The following SHTN1 variants were observed in gnomAD, a reference collection of about 807,000 sequenced individuals.
SHTN1 encodes shootin-1.
SHTN1 carries 42 observed loss-of-function variants against 83.1 expected under a neutral mutation model. That is an observed-to-expected ratio of 0.51 (90% CI 0.39 to 0.65). SHTN1 has a LOEUF of 0.65. Among genes scored for constraint, SHTN1 ranks in the 30% least tolerant of loss-of-function variants. The pLI is 0.00. For synonymous variants in SHTN1, 224 were observed against 247.7 expected (o/e 0.90, Z 0.90); for missense variants, 622 against 737.8 (o/e 0.84, Z 1.82).
chr10:116,934,099 C>T (rs1398373503), intron 9 of SHTN1, among the ~76,000 whole-genome samples: 3 of 152,176 alleles, frequency 2.0e-5, no homozygotes, highest in East Asian at 1.9e-4. Context: ...AAAATTTTCT[C>T]CCATTCTGTA....
intron 2 of SHTN1, among the ~76,000 whole-genome samples, chr10:116,977,865 G>A (rs937479257): frequency 6.6e-6 from 1 of 151,954 alleles, no homozygotes; most frequent in African/African-American, 2.4e-5. Context: ...TTGTAAAGAT[G>A]GGGGTCTTAC....
intron 11 of SHTN1, among the ~76,000 whole-genome samples, chr10:116,925,946 A>G (rs980225641): frequency 2.6e-5 from 4 of 152,104 alleles, no homozygotes; most frequent in African/African-American, 9.7e-5. Context: ...TTCAAAATCC[A>G]CTCAAACTCA....
intron 1 of SHTN1, among the ~76,000 whole-genome samples, chr10:116,987,898 C>A (rs1284364820): frequency 6.7e-6 from 1 of 148,954 alleles, no homozygotes; most frequent in Admixed American, 6.8e-5. Context: ...CTGGTAACAG[C>A]GAGACTCCGT....
chr10:116,992,964 CT>C (rs988256299), intron 1 of SHTN1, among the ~76,000 whole-genome samples: 21 of 148,554 alleles, frequency 1.4e-4, no homozygotes, highest in African/African-American at 4.9e-4. Context: ...GCTGTACTAT[CT>C]TTTTTGTCTG....
intron 8 of SHTN1, among the ~76,000 whole-genome samples, chr10:116,940,990 C>T (rs942526538): frequency 2.0e-5 from 3 of 152,170 alleles, no homozygotes; most frequent in African/African-American, 7.2e-5. Context: ...TAAAGTGCTT[C>T]TACTATGAAT....
chr10:117,090,817 G>C, intron 1 of SHTN1, among the ~76,000 whole-genome samples: 1 of 130,524 alleles, frequency 7.7e-6, no homozygotes, highest in Non-Finnish European at 1.7e-5. Context: ...AAGGAAGGAA[G>C]GAAAGGAGGG....
chr10:117,116,836 A>C (rs1853855283), intron 1 of SHTN1, among the ~76,000 whole-genome samples: 1 of 152,198 alleles, frequency 6.6e-6, no homozygotes, highest in African/African-American at 2.4e-5. Flanking sequence ...AGATGCTGAA[A>C]AAGTATTAAA....
intron 11 of SHTN1, among the ~76,000 whole-genome samples, chr10:116,924,986 G>C (rs1422244363): frequency 6.6e-6 from 1 of 151,892 alleles, no homozygotes. Flanking sequence ...TCAATCTCCT[G>C]ACCTTGTGAT....
intron 2 of SHTN1, among the ~76,000 whole-genome samples, chr10:117,044,179 A>C (rs922803181): frequency 6.6e-6 from 1 of 152,172 alleles, no homozygotes; most frequent in Admixed American, 6.6e-5. Context: ...CTCAAGGGTA[A>C]CTACTATTAT....
intron 1 of SHTN1, among the ~76,000 whole-genome samples, chr10:116,983,687 A>ATAG (rs1851124220): frequency 1.7e-3 from 105 of 60,310 alleles, no homozygotes; most frequent in East Asian, 5.2e-3. Context: ...TAGATAGATA[A>ATAG]ATACATACAT....
In SHTN1 at chr10:116,886,171, A is replaced by G. The variant is rs933487560; in HGVS notation, c.*173T>C. ...ACCTACTAGGAATGTGTGTTTTGCT[A>G]AACAGCTTACTTATGTTTATAGTTG... On this transcript the variant is annotated 3_prime_UTR_variant, in exon 17 of 17. Transcript: ENST00000355371. The G allele has an allele frequency of 2.1e-5, 20 of 932,616 alleles. No individual in the cohort carries two copies. Among genetic ancestry groups the G allele is most frequent in the East Asian group, 2.6e-5 (1 of 37,802 alleles). 57.8% of individuals were successfully genotyped at this position (932,616 alleles called of 1,614,324 possible). A position where few individuals can be genotyped will look rare whatever the true frequency, so the allele number is the denominator to read the frequency against.
In SHTN1 at chr10:116,915,394, G is replaced by A; in HGVS notation, c.1286C>T (p.Thr429Ile). The A allele has an allele frequency of 1.3e-6, 2 of 1,591,976 alleles. No individual in the cohort carries two copies. The highest frequency in any genetic ancestry group is 1.7e-6 in the Non-Finnish European group (2 of 1,160,042). ...CCATACCTTTGTCTTCGGTCTGGCT[G>A]TCTGATTAACGGGTCTAAGATGAAC... Reference protein sequence around the residue: ...KGVHLRPVNQTARPKTKPESS... With the variant: ...KGVHLRPVNQIARPKTKPESS... Residue 429 changes from threonine to isoleucine, a missense_variant, in exon 13 of 17, where the codon ACA becomes ATA. This residue lies in a region of SHTN1 where 231 missense variants were observed against 251.6 expected (regional missense o/e 0.92). Transcript: ENST00000355371.
At chr10:117,077,416 A>G (rs1853175910) in intron 1 of SHTN1, among the ~76,000 whole-genome samples, 1 of 152,174 alleles carries the variant, frequency 6.6e-6, no homozygotes, top group Non-Finnish European at 1.5e-5. Context: ...AGAAGAAAGG[A>G]TAACTATCAC....
chr10:116,905,159 G>T (rs1022451958), intron 15 of SHTN1, among the ~76,000 whole-genome samples: 30 of 144,826 alleles, frequency 2.1e-4, no homozygotes, highest in African/African-American at 7.8e-4. Context: ...CCGAGATTGC[G>T]CCACTGCAGT....
intron 2 of SHTN1, among the ~76,000 whole-genome samples, chr10:117,038,452 T>G (rs954017131): frequency 2.6e-5 from 4 of 152,136 alleles, no homozygotes; most frequent in African/African-American, 9.6e-5. Flanking sequence ...AATGACTTTT[T>G]AGATACAAAA....
intron 2 of SHTN1, among the ~76,000 whole-genome samples, chr10:116,968,958 T>G (rs1850499943): frequency 6.6e-6 from 1 of 152,236 alleles, no homozygotes; most frequent in South Asian, 2.1e-4. Flanking sequence ...GCTCATTATC[T>G]CCTCAGTAAT....
chr10:116,959,161 A>G (rs191983952), intron 4 of SHTN1, among the ~76,000 whole-genome samples: 117 of 152,334 alleles, frequency 7.7e-4, no homozygotes, highest in African/African-American at 2.5e-3. Context: ...ATGATGTGAG[A>G]ATACCCATGT....
At chr10:116,999,657 G>A (rs1283508641) in intron 1 of SHTN1, among the ~76,000 whole-genome samples, 1 of 152,220 alleles carries the variant, frequency 6.6e-6, no homozygotes, top group Non-Finnish European at 1.5e-5. Context: ...GCTCACGCCT[G>A]TAATCCCAGC....
chr10:117,010,677 C>A (rs1332801367), intron 2 of SHTN1, among the ~76,000 whole-genome samples: 1 of 152,076 alleles, frequency 6.6e-6, no homozygotes, highest in African/African-American at 2.4e-5. Context: ...TGCAAAAATC[C>A]TCAACAAAAT....
Sources: allele counts gnomAD v4.1 joint callset (sites outside exome capture counted in the v4.1 genomes callset), GRCh38; gene constraint gnomAD v4.1.1; regional missense constraint gnomAD v4.1.1; transcripts MANE v1.5; gene names NCBI Gene and HGNC (gene_info 2026-07-23, HGNC 2026-07-21).